Variants in CUX1 observed in about 807,000 individuals in gnomAD.
CUX1 encodes protein CASP.
A neutral mutation model predicts 158.8 loss-of-function variants in CUX1; 31 were observed. The ratio of observed to expected loss-of-function variants is 0.20; its 90% CI spans 0.15 to 0.26. The LOEUF (loss-of-function observed/expected upper bound fraction) is 0.26, where lower values mean the gene tolerates loss of function less well. Among genes scored for constraint, CUX1 ranks in the 10% least tolerant of loss-of-function variants. The pLI is 1.00. For missense variants in CUX1, 1,589 were observed against 2,014.6 expected, an observed-to-expected ratio of 0.79 and a Z score of 4.04; for synonymous variants, 879 against 862.1, an observed-to-expected ratio of 1.02 and a Z score of -0.34.
rs926749014 is a variant in CUX1, at chr7:102,131,749, T to G, written c.674+16476T>G. 2.0e-5 allele frequency among the ~76,000 whole-genome samples: 3 copies of G among 151,942 alleles called. No individual in the cohort carries two copies. In the East Asian group the frequency reaches 5.8e-4, roughly 29 times the overall value. On this transcript the variant is annotated intron_variant, in intron 8 of 23. Coordinates refer to ENST00000292535, the MANE Select transcript of CUX1 (RefSeq NM_181552.4). ...GTGCAGTGGCGTGATCTTGGCTCAC[T>G]GCAACCTCTGCCTCCCAGGTTCAAG...
At chr7:101,816,644 G>A (rs1160896964), upstream of CUX1, among the ~76,000 whole-genome samples, 1 of 144,556 alleles carries the variant, frequency 6.9e-6, no homozygotes, top group Non-Finnish European at 1.5e-5. Flanking sequence ...TTGCTGCGGG[G>A]GGTGAAGCGC....
In CUX1 at chr7:102,069,853, A is replaced by G. The variant is rs570590848; in HGVS notation, c.190-486A>G. On this transcript the variant is annotated intron_variant, in intron 3 of 23. Coordinates refer to ENST00000292535, the MANE Select transcript of CUX1 (RefSeq NM_181552.4). The stretch of plus-strand genomic sequence containing the variant: ...CCACCTGGGTGAAATGCTTTTTAAG[A>G]CTCTGCTCTAAGGTCACAACTTTAC... 9.1e-4 allele frequency among the ~76,000 whole-genome samples: 138 copies of G among 152,144 alleles called. No individual in the cohort carries two copies. In the South Asian group the frequency reaches 0.011, roughly 12 times the overall value.
intron 7 of CUX1, chr7:102,112,071 T>G: frequency 4.2e-6 from 1 of 240,096 alleles, no homozygotes; most frequent in Non-Finnish European, 7.9e-6. Context: ...ATCACCAAAC[T>G]GTCAAGGACT....
intron 8 of CUX1, among the ~76,000 whole-genome samples, chr7:102,117,036 C>T (rs946146228): frequency 2.0e-5 from 3 of 152,124 alleles, no homozygotes; most frequent in East Asian, 3.9e-4. Flanking sequence ...GGGGACAGGG[C>T]GCTGACGGTC....
At chr7:101,959,162 T>G (rs370409929) in intron 2 of CUX1, among the ~76,000 whole-genome samples, 72 of 152,048 alleles carry the variant, frequency 4.7e-4, no homozygotes, top group African/African-American at 1.7e-3. Flanking sequence ...CCTGGATGAT[T>G]GGATGGTGCC....
At chr7:101,943,145 CA>C (rs1807926574) in intron 2 of CUX1, among the ~76,000 whole-genome samples, 1 of 139,680 alleles carries the variant, frequency 7.2e-6, no homozygotes, top group African/African-American at 2.7e-5. Flanking sequence ...CTCGCTCTGT[CA>C]CCCAGGCTGG....
intron 10 of CUX1, among the ~76,000 whole-genome samples, chr7:102,173,203 T>C (rs1791926331): frequency 1.3e-5 from 2 of 151,828 alleles, no homozygotes; most frequent in South Asian, 4.2e-4. Context: ...CTACTAAAAA[T>C]AGAAGAATTA....
At chr7:102,087,499 G>T (rs528442183) in intron 4 of CUX1, among the ~76,000 whole-genome samples, 1 of 152,034 alleles carries the variant, frequency 6.6e-6, no homozygotes, top group Non-Finnish European at 1.5e-5. Flanking sequence ...AAAATCTCTC[G>T]AACCCGGGAG....
Position 102,250,979 on chromosome 7 carries a change from T to G in CUX1, c.*1937T>G. ...TGATTTCGGTATATATATATATTTTTTTTTGCTTATTTATAGGTGCTGTAT... is the reference window on the plus strand; with the variant it reads ...TGATTTCGGTATATATATATATTTTGTTTTGCTTATTTATAGGTGCTGTAT... On this transcript the variant is annotated 3_prime_UTR_variant, in exon 24 of 24. Transcript: ENST00000292535. 2.1e-6 allele frequency: 2 copies of G among 957,056 alleles called. No homozygotes were observed. Among genetic ancestry groups the G allele is most frequent in the Non-Finnish European group, 2.5e-6 (2 of 804,218 alleles). 59.3% of individuals were successfully genotyped at this position (957,056 alleles called of 1,614,324 possible).
At chr7:102,228,163 C>G (rs1798552601) in intron 21 of CUX1, among the ~76,000 whole-genome samples, 1 of 151,898 alleles carries the variant, frequency 6.6e-6, no homozygotes, top group African/African-American at 2.4e-5. Context: ...GTTGGCCAGG[C>G]TGGTCTCGAA....
Position 102,250,787 on chromosome 7 carries a change from C to T in CUX1, c.*1745C>T, listed in dbSNP as rs570663269. 42 of 984,800 alleles carry T rather than the reference C, an allele frequency of 4.3e-5. No homozygotes were observed. The highest frequency in any genetic ancestry group is 5.2e-4 in the Middle Eastern group (1 of 1,914). 61.0% of individuals were successfully genotyped at this position (984,800 alleles called of 1,614,324 possible). A position where few individuals can be genotyped will look rare whatever the true frequency, so the allele number is the denominator to read the frequency against. The stretch of plus-strand genomic sequence containing the variant: ...ATAGAGGCGGGTGAGAGTGTGCGTG[C>T]GTGTGCGTGTGTGCAATTTTATACG... On this transcript the variant is annotated 3_prime_UTR_variant, in exon 24 of 24. Transcript: ENST00000292535.
At chr7:102,116,785 A>G (rs1831479843) in intron 8 of CUX1, among the ~76,000 whole-genome samples, 1 of 152,176 alleles carries the variant, frequency 6.6e-6, no homozygotes, top group Non-Finnish European at 1.5e-5. Flanking sequence ...TGCCCTCTGA[A>G]GTAAGAAACA....
chr7:102,030,129 A>T (rs947943499), intron 3 of CUX1, among the ~76,000 whole-genome samples: 1 of 151,936 alleles, frequency 6.6e-6, no homozygotes, highest in Non-Finnish European at 1.5e-5. Flanking sequence ...CTCCTGCCTC[A>T]GCCTCCCAAG....
At chr7:101,887,920 C>T (rs147051525) in intron 1 of CUX1, among the ~76,000 whole-genome samples, 10 of 146,696 alleles carry the variant, frequency 6.8e-5, no homozygotes, top group African/African-American at 2.2e-4. Flanking sequence ...GCCCAGATGT[C>T]GTGGTCCCTC....
At chr7:101,939,076 T>C (rs1380105762) in intron 2 of CUX1, among the ~76,000 whole-genome samples, 18 of 10,650 alleles carry the variant, frequency 1.7e-3, no homozygotes, top group Non-Finnish European at 5.2e-3. Context: ...TATATATATA[T>C]ATATATATAT....
chr7:102,185,604 T>C (rs539354773), intron 11 of CUX1, among the ~76,000 whole-genome samples: 18 of 151,920 alleles, frequency 1.2e-4, no homozygotes, highest in African/African-American at 4.3e-4. Context: ...GGGTTTTTTT[T>C]TTGTTTTTTT....
chr7:101,857,694 C>A (rs1436300755), intron 1 of CUX1, among the ~76,000 whole-genome samples: 1 of 152,226 alleles, frequency 6.6e-6, no homozygotes, highest in African/African-American at 2.4e-5. Flanking sequence ...GTTGAGTTAG[C>A]TCAGAATAAC....
intron 2 of CUX1, among the ~76,000 whole-genome samples, chr7:102,025,435 C>T (rs1176553857): frequency 6.6e-6 from 1 of 152,162 alleles, no homozygotes; most frequent in Non-Finnish European, 1.5e-5. Context: ...CAAGACCAGC[C>T]TGGGCAACAT....
At chr7:102,174,179 G>A (rs547431899) in intron 10 of CUX1, among the ~76,000 whole-genome samples, 1 of 152,220 alleles carries the variant, frequency 6.6e-6, no homozygotes, top group East Asian at 1.9e-4. Context: ...GAGTGCAGTG[G>A]CGCAATCTGG....
Sources: gnomAD v4.1 joint callset for allele counts (sites outside exome capture counted in the v4.1 genomes callset) on GRCh38, gnomAD v4.1.1 for gene constraint, MANE v1.5 for transcripts, NCBI Gene and HGNC (gene_info 2026-07-23, HGNC 2026-07-21) for gene names.